Variants in NOS2 observed in about 807,000 individuals in gnomAD.
NOS2 encodes the protein nitric oxide synthase 2.
In NOS2, 96 loss-of-function variants were observed where a neutral mutation model predicts 136.0. The observed-to-expected ratio is 0.71, with a 90% confidence interval of 0.60 to 0.84. The LOEUF is 0.84. Ranked by LOEUF, NOS2 falls within the 40% of genes least tolerant of loss-of-function variation. The pLI, the probability that NOS2 is intolerant of heterozygous loss-of-function variation, is 0.00. For synonymous variants in NOS2, 539 were observed against 587.5 expected, an observed-to-expected ratio of 0.92 and a Z score of 1.20; for missense variants, 1,237 against 1,496.9, an observed-to-expected ratio of 0.83 and a Z score of 2.87.
intron 11 of NOS2, among the ~76,000 whole-genome samples, chr17:27,777,002 C>G (rs867376347): frequency 2.6e-5 from 4 of 152,158 alleles, no homozygotes; most frequent in Admixed American, 2.0e-4. Flanking sequence ...TTTTCTGGGA[C>G]GTATCCACAT....
In NOS2 at chr17:27,762,837, T is replaced by C. The variant is rs1167362696; in HGVS notation, c.2761A>G (p.Ile921Val). ...SSSRDHTPTEIHLTVAVVTYH... is the reference protein window; with the variant it reads ...SSSRDHTPTEVHLTVAVVTYH... ...GTGACCACGGCCACAGTCAGGTGGA[T>C]CTCTGTGGGCGTGTGATCCCGGGAG... Residue 921 changes from isoleucine to valine, a missense_variant, in exon 22 of 27, where the codon ATC becomes GTC. Ile to Val is a conservative substitution (Grantham distance 29). Transcript: ENST00000313735. 1.3e-6 allele frequency: 2 copies of C among 1,560,462 alleles called. No individual in the cohort carries two copies. The highest frequency in any genetic ancestry group is 2.7e-5 in the African/African-American group (2 of 73,650).
rs1770243641 is a variant in NOS2, at chr17:27,782,966, C to A, written c.608G>T (p.Arg203Met). Residue 203 changes from arginine (R) to methionine (M), a missense_variant, in exon 6 of 27, where the codon AGG (arginine) becomes ATG (methionine). This residue lies in a region of NOS2 where 440 missense variants were observed against 545.4 expected (regional missense o/e 0.81). Coordinates refer to ENST00000313735, the MANE Select transcript of NOS2 (RefSeq NM_000625.4). ...AWRNAPRCIGRIQWSNLQVFD... is the reference protein window; with the variant it reads ...AWRNAPRCIGMIQWSNLQVFD... ...CACCTGCAGGTTGGACCACTGGATCCTCCCAATGCAGCGTGGGGCATTGCG... is the reference window on the plus strand; with the variant it reads ...CACCTGCAGGTTGGACCACTGGATCATCCCAATGCAGCGTGGGGCATTGCG... The A allele has an allele frequency of 1.2e-6, 2 of 1,614,188 alleles. No homozygotes were observed. Among genetic ancestry groups the A allele is most frequent in the Non-Finnish European group, 1.7e-6 (2 of 1,180,048 alleles).
At chr17:27,762,656 A>G (rs1394797948) in intron 22 of NOS2, 142 bp downstream of exon 22, 7 of 621,440 alleles carry the variant, frequency 1.1e-5, no homozygotes, top group Non-Finnish European at 1.7e-5. Context: ...TCTCCCACAC[A>G]CCTCCTAATA....
Position 27,782,945 on chromosome 17 carries a change from T to C in NOS2, c.629A>G (p.Gln210Arg). ...CIGRIQWSNL[Q>R]VFDARSCSTA... is the part of the protein sequence containing the mutation. ...CCGCTCAAGTCTAAGGAAGTTCACC[T>C]GCAGGTTGGACCACTGGATCCTCCC... Residue 210 changes from glutamine to arginine, a missense_variant and splice_region_variant, in exon 6 of 27, where the codon CAG (glutamine) becomes CGG (arginine). This residue lies in a region of NOS2 where 440 missense variants were observed against 545.4 expected (regional missense o/e 0.81). Transcript: ENST00000313735. The C allele has an allele frequency of 1.2e-6, 2 of 1,614,028 alleles. No homozygotes were observed. The highest frequency in any genetic ancestry group is 1.1e-5 in the South Asian group (1 of 91,060).
intron 14 of NOS2, 45 bp from the exon 15 acceptor site, chr17:27,771,062 G>C: frequency 1.4e-6 from 2 of 1,440,882 alleles, no homozygotes. Flanking sequence ...TCCCAGTAGG[G>C]CCCTCCCTAC....
Position 27,766,570 on chromosome 17 carries a change from G to A in NOS2, c.2186C>T (p.Ala729Val). 1 of 1,614,074 alleles carries A rather than the reference G, an allele frequency of 6.2e-7. No individual in the cohort carries two copies. ...DLSKALSSMH[A>V]KNVFTMRLKS... ...GAGCCTCATGGTGAACACGTTCTTG[G>A]CATGCATGCTGCTGAGGGCTGTGGA... The change falls in exon 19 of 27, where the codon GCC (alanine) becomes GTC (valine). Residue 729 changes from alanine (A) to valine (V), a missense_variant. Ala to Val is a moderately conservative substitution (Grantham distance 64, BLOSUM62 0). This residue lies in a region of NOS2 where 782 missense variants were observed against 909.9 expected (regional missense o/e 0.86). Coordinates refer to ENST00000313735, the MANE Select transcript of NOS2 (RefSeq NM_000625.4).
chr17:27,777,003 G>A (rs1181702981), intron 11 of NOS2, among the ~76,000 whole-genome samples: 1 of 152,168 alleles, frequency 6.6e-6, no homozygotes, highest in Admixed American at 6.5e-5. Flanking sequence ...TTTCTGGGAC[G>A]TATCCACATC....
intron 15 of NOS2, 106 bp from the exon 16 acceptor site, chr17:27,769,690 GC>G: frequency 1.0e-6 from 1 of 957,904 alleles, no homozygotes. Flanking sequence ...AAGGCTCACA[GC>G]CCACCACGGA....
rs200932086 is a variant in NOS2 at position 27,760,768 on chromosome 17, G to A, written c.2889-24C>T. ...CACTGAAGAGGACAGGAGAAGAGGG[G>A]GCCAGTCCTCAGACACCCCAGGCCC... On this transcript the variant is annotated intron_variant, in intron 23 of 26. Transcript: ENST00000313735. The A allele has an allele frequency of 1.9e-6, 3 of 1,546,004 alleles. No individual in the cohort carries two copies. The South Asian group carries it at 3.6e-5, about 18-fold the overall frequency.
intron 11 of NOS2, among the ~76,000 whole-genome samples, chr17:27,776,677 GAAAAAAAAAAAAA>G (rs34069634): frequency 1.3e-5 from 1 of 78,124 alleles, no homozygotes; most frequent in African/African-American, 5.3e-5. Context: ...ATCTCCAAAG[GAAAAAAAAAAAAA>G]AAAAAAAAAC....
At chr17:27,792,449 A>C (rs952464373) in intron 2 of NOS2, among the ~76,000 whole-genome samples, 12 of 152,180 alleles carry the variant, frequency 7.9e-5, no homozygotes, top group African/African-American at 2.9e-4. Flanking sequence ...AATTCTTTAA[A>C]TTTGAAAAAT....
intron 2 of NOS2, among the ~76,000 whole-genome samples, chr17:27,798,381 G>A (rs547734132): frequency 1.6e-4 from 14 of 86,436 alleles, no homozygotes; most frequent in East Asian, 3.2e-4. Flanking sequence ...CCACCCCTCC[G>A]CCATGGTGCC....
At chr17:27,778,504 TGA>T (rs1160672358) in intron 11 of NOS2, among the ~76,000 whole-genome samples, 184 bp downstream of exon 11, 2 of 152,094 alleles carry the variant, frequency 1.3e-5, no homozygotes, top group Non-Finnish European at 2.9e-5. Flanking sequence ...CTTGAGCGAT[TGA>T]GAGAGGACAG....
intron 22 of NOS2, among the ~76,000 whole-genome samples, chr17:27,762,295 C>G (rs185829489): frequency 7.2e-4 from 109 of 152,316 alleles, no homozygotes; most frequent in African/African-American, 2.3e-3. Context: ...CCATACCCAC[C>G]CCAGTGCCAG....
In NOS2 at chr17:27,760,060, T is replaced by C; in HGVS notation, c.3129A>G (p.Thr1043=). Residue 1043 remains threonine (T), a synonymous_variant, in exon 25 of 27, where the codon ACA becomes ACG. Transcript: ENST00000313735. ...GCTTGCCAGGCAGGCGGGAATAGGC[T>C]GTGTGCACCGCATGCAGCACCCCCT... The part of the protein sequence containing the change: ...AQKGVLHAVH[T]AYSRLPGKPK... 6.3e-7 allele frequency: 1 copy of C among 1,584,380 alleles called. No individual in the cohort carries two copies. The highest frequency in any genetic ancestry group is 1.7e-4 in the Middle Eastern group (1 of 5,930).
chr17:27,792,912 C>T (rs978898782), intron 2 of NOS2, among the ~76,000 whole-genome samples: 1 of 151,534 alleles, frequency 6.6e-6, no homozygotes, highest in African/African-American at 2.4e-5. Flanking sequence ...ATCACCTGAG[C>T]CCTGGAGGTG....
intron 7 of NOS2, 117 bp from the exon 8 acceptor site, chr17:27,781,294 T>C (rs1908841220): frequency 1.2e-5 from 14 of 1,202,806 alleles, no homozygotes; most frequent in Admixed American, 9.6e-5. Flanking sequence ...GATCCCAAGC[T>C]GACTGAGCCA....
At chr17:27,771,044 C>A (rs2151328132) in intron 14 of NOS2, 27 bp from the exon 15 acceptor site, 1 of 1,564,232 alleles carries the variant, frequency 6.4e-7, no homozygotes, top group Non-Finnish European at 8.8e-7. Flanking sequence ...TGGACATCAG[C>A]CCTCGGCTCC....
chr17:27,771,416 C>G (rs1181035904), intron 14 of NOS2, among the ~76,000 whole-genome samples: 1 of 152,264 alleles, frequency 6.6e-6, no homozygotes, highest in Non-Finnish European at 1.5e-5. Context: ...GTGCCCTCAT[C>G]TTGCTGTTCT....
Sources: gnomAD v4.1 joint callset for allele counts (sites outside exome capture counted in the v4.1 genomes callset) on GRCh38, gnomAD v4.1.1 for gene constraint, gnomAD v4.1.1 regional missense constraint, MANE v1.5 for transcripts, NCBI Gene and HGNC (gene_info 2026-07-23, HGNC 2026-07-21) for gene names.